GABRG3: variants seen among roughly 807,000 people sequenced by gnomAD.
GABRG3 encodes the protein gamma-aminobutyric acid type A receptor subunit gamma3, also known as gamma-aminobutyric acid receptor subunit gamma-3.
A neutral mutation model predicts 48.8 loss-of-function variants in GABRG3; 25 were observed. The observed-to-expected ratio is 0.51, with a 90% CI of 0.37 to 0.72. The LOEUF (loss-of-function observed/expected upper bound fraction) is 0.72, where lower values mean the gene tolerates loss of function less well. Ranked by LOEUF, GABRG3 falls within the 30% of genes least tolerant of loss-of-function variation. GABRG3 has a pLI of 0.00. For missense variants in GABRG3, 394 were observed against 577.9 expected, an observed-to-expected ratio of 0.68 and a Z score of 3.26; for synonymous variants, 227 against 217.6, an observed-to-expected ratio of 1.04 and a Z score of -0.38.
At chr15:27,193,241 C>T (rs1187037075) in intron 3 of GABRG3, among the ~76,000 whole-genome samples, 1 of 152,184 alleles carries the variant, frequency 6.6e-6, no homozygotes, top group African/African-American at 2.4e-5. Flanking sequence ...CCACTGCTCT[C>T]TTCAAAGCTG....
At chr15:27,002,994 TAAAC>T (rs982599098) in intron 2 of GABRG3, among the ~76,000 whole-genome samples, 1 of 151,032 alleles carries the variant, frequency 6.6e-6, no homozygotes, top group Non-Finnish European at 1.5e-5. Flanking sequence ...ATACAATAAA[TAAAC>T]AAAACAAAAC....
chr15:27,345,668 G>A (rs1266416524), intron 5 of GABRG3, among the ~76,000 whole-genome samples: 1 of 151,928 alleles, frequency 6.6e-6, no homozygotes, highest in Non-Finnish European at 1.5e-5. Flanking sequence ...TAAGTTTCTG[G>A]CACGCCACTT....
chr15:26,973,889 T>C (rs74814771), intron 1 of GABRG3, among the ~76,000 whole-genome samples: 2 of 152,192 alleles, frequency 1.3e-5, no homozygotes, highest in African/African-American at 4.8e-5. Context: ...AGTAATGGTG[T>C]TTAGGATCCA....
At chr15:27,235,757 C>G (rs1261263156) in intron 3 of GABRG3, among the ~76,000 whole-genome samples, 2 of 152,080 alleles carry the variant, frequency 1.3e-5, no homozygotes, top group Non-Finnish European at 2.9e-5. Context: ...ATCTTAGACT[C>G]CAGGCTCAAA....
chr15:27,251,016 G>A (rs1461589974), intron 3 of GABRG3, among the ~76,000 whole-genome samples: 1 of 152,160 alleles, frequency 6.6e-6, no homozygotes, highest in Admixed American at 6.5e-5. Flanking sequence ...CTTGCAGGTC[G>A]CAGAGAACAC....
intron 3 of GABRG3, among the ~76,000 whole-genome samples, chr15:27,315,933 A>G (rs1485946259): frequency 2.6e-5 from 4 of 152,216 alleles, no homozygotes; most frequent in Admixed American, 6.5e-5. Flanking sequence ...TAGATGCAGC[A>G]TTCCACATTA....
intron 3 of GABRG3, among the ~76,000 whole-genome samples, chr15:27,283,464 C>T (rs182073810): frequency 1.3e-5 from 2 of 152,246 alleles, no homozygotes; most frequent in East Asian, 3.9e-4. Flanking sequence ...ATTAGCCAGG[C>T]TTGATGGTGT....
Position 26,974,666 on chromosome 15 carries a change from TCTC to T in GABRG3, c.54-2332_54-2330del, listed in dbSNP as rs1189439663. ...ATTCTGCTGAGATGAGCTACCGGCCTCTCCTCACTGCCCCAGATGCCCTTGCTG... is the reference window on the plus strand; with the variant it reads ...ATTCTGCTGAGATGAGCTACCGGCCTCTCACTGCCCCAGATGCCCTTGCTG... On this transcript the variant is annotated intron_variant, in intron 1 of 9. Coordinates refer to ENST00000615808, the MANE Select transcript of GABRG3 (RefSeq NM_033223.5). This position sits in a 1 kb window ranked among gnomAD's most constrained non-coding sequence, Gnocchi z 4.3. 6.6e-6 allele frequency among the ~76,000 whole-genome samples: 1 copy of T among 151,910 alleles called. No individual in the cohort carries two copies. The highest frequency in any genetic ancestry group is 6.6e-5 in the Admixed American group (1 of 15,262).
At chr15:27,256,589 A>C (rs1890629732) in intron 3 of GABRG3, among the ~76,000 whole-genome samples, 1 of 152,062 alleles carries the variant, frequency 6.6e-6, no homozygotes, top group African/African-American at 2.4e-5. Context: ...GGAGGGTGGG[A>C]ACTCCTTTGT....
chr15:26,978,250 A>G (rs925736498), intron 2 of GABRG3, among the ~76,000 whole-genome samples: 1 of 151,956 alleles, frequency 6.6e-6, no homozygotes, highest in Admixed American at 6.6e-5. Flanking sequence ...TATCCTAGGT[A>G]TGATCCTTTA....
chr15:27,328,666 T>A (rs949209352), intron 4 of GABRG3, 140 bp from the exon 5 acceptor site: 2 of 651,776 alleles, frequency 3.1e-6, no homozygotes, highest in Non-Finnish European at 5.6e-6. Context: ...CCGTGAATGG[T>A]TCCCGGGCCA....
intron 3 of GABRG3, among the ~76,000 whole-genome samples, chr15:27,209,632 G>A (rs1311716302): frequency 6.6e-6 from 1 of 152,170 alleles, no homozygotes; most frequent in African/African-American, 2.4e-5. Context: ...GTGCCCAGGT[G>A]GGTGGGCCTC....
chr15:27,106,793 T>C (rs1192234979), intron 3 of GABRG3, among the ~76,000 whole-genome samples: 1 of 152,034 alleles, frequency 6.6e-6, no homozygotes, highest in African/African-American at 2.4e-5. Flanking sequence ...CTCTGAATAA[T>C]TTTATGCTCA....
intron 3 of GABRG3, among the ~76,000 whole-genome samples, chr15:27,081,569 G>A: frequency 6.6e-6 from 1 of 152,086 alleles, no homozygotes; most frequent in Middle Eastern, 3.2e-3. Flanking sequence ...CAATGTGTGG[G>A]TGCAGCAGAG....
Position 27,501,242 on chromosome 15 carries a change from T to C in GABRG3, c.713-18730T>C, listed in dbSNP as rs372478563. 1.0e-3 allele frequency among the ~76,000 whole-genome samples: 152 copies of C among 152,278 alleles called. 1 individual carries two copies. The highest frequency in any genetic ancestry group is 7.9e-3 in the East Asian group (41 of 5,164). ...CTAGGATTACAGGCGTGAGCCACCG[T>C]GCCCGGCCAAAGTAATGTATGTTTC... On this transcript the variant is annotated intron_variant, in intron 6 of 9. Transcript: ENST00000615808.
chr15:26,973,933 T>C (rs76799818), intron 1 of GABRG3, among the ~76,000 whole-genome samples: 5,288 of 152,290 alleles, frequency 0.035, 324 homozygotes, highest in African/African-American at 0.12. Context: ...AAAGATTATA[T>C]ATAACTTACT....
chr15:27,533,189 T>A lies in GABRG3; in HGVS notation c.*308T>A. ...TATTGGAAGCAGCCGCTGATTACCCTTGCAAAGAAATCTGTAAAATGTGCA... is the reference window on the plus strand; with the variant it reads ...TATTGGAAGCAGCCGCTGATTACCCATGCAAAGAAATCTGTAAAATGTGCA... On this transcript the variant is annotated 3_prime_UTR_variant, in exon 10 of 10. Transcript: ENST00000615808. 3.3e-6 allele frequency: 1 copy of A among 300,972 alleles called. No individual in the cohort carries two copies. The highest frequency in any genetic ancestry group is 6.2e-6 in the Non-Finnish European group (1 of 160,316). 18.6% of individuals were successfully genotyped at this position (300,972 alleles called of 1,614,324 possible). A position where few individuals can be genotyped will look rare whatever the true frequency, so the allele number is the denominator to read the frequency against.
chr15:27,311,651 A>T (rs942201685), intron 3 of GABRG3, among the ~76,000 whole-genome samples: 8 of 149,706 alleles, frequency 5.3e-5, no homozygotes, highest in Non-Finnish European at 1.2e-4. Context: ...GAAAAAAAAA[A>T]CAGTTAGACA....
At chr15:27,147,617 C>A (rs1343457837) in intron 3 of GABRG3, among the ~76,000 whole-genome samples, 1 of 151,736 alleles carries the variant, frequency 6.6e-6, no homozygotes, top group African/African-American at 2.4e-5. Context: ...GAAATCATAC[C>A]AAGTGTATTT....
Sources: allele counts gnomAD v4.1 joint callset (sites outside exome capture counted in the v4.1 genomes callset), GRCh38; gene constraint gnomAD v4.1.1; non-coding constraint Gnocchi (gnomAD v3.1); transcripts MANE v1.5; gene names NCBI Gene and HGNC (gene_info 2026-07-23, HGNC 2026-07-21).